Variants in SMAD2 observed in about 807,000 individuals in gnomAD.
The protein encoded by SMAD2 is MAD homolog 2.
In SMAD2, 8 loss-of-function variants were observed where a neutral mutation model predicts 64.4. The observed-to-expected ratio is 0.12, with a 90% CI of 0.07 to 0.22. SMAD2 has a LOEUF of 0.22. SMAD2 is among the 10% of genes least tolerant of loss of function. The probability of loss-of-function intolerance (pLI) is 1.00; values close to 1 mark genes in which losing one functional copy is unlikely to be tolerated. For missense variants in SMAD2, 289 were observed against 561.2 expected, an observed-to-expected ratio of 0.51 and a Z score of 4.90; for synonymous variants, 203 against 195.8, an observed-to-expected ratio of 1.04 and a Z score of -0.31.
At chr18:47,923,884 T>C (rs1477577018) in intron 1 of SMAD2, among the ~76,000 whole-genome samples, 1 of 152,154 alleles carries the variant, frequency 6.6e-6, no homozygotes, top group Non-Finnish European at 1.5e-5. Context: ...ACCCTCCTGA[T>C]AACTAAAACA....
Position 47,896,792 on chromosome 18 carries a change from C to A in SMAD2, c.-36G>T, listed in dbSNP as rs753870883. 1 of 1,604,636 alleles carries A rather than the reference C, an allele frequency of 6.2e-7. No homozygotes were observed. Among genetic ancestry groups the A allele is most frequent in the Non-Finnish European group, 8.5e-7 (1 of 1,175,466 alleles). The stretch of plus-strand genomic sequence containing the variant: ...AAGGCAGCAAGCCACGCTAGGAAAA[C>A]AGCCTCTTGTATCGAACCTAGCAGA... On this transcript the variant is annotated 5_prime_UTR_variant, in exon 2 of 11. Coordinates refer to ENST00000262160, the MANE Select transcript of SMAD2 (RefSeq NM_005901.6).
Position 47,839,486 on chromosome 18 carries a change from A to G in SMAD2, c.*2341T>C, listed in dbSNP as rs965156034. On this transcript the variant is annotated 3_prime_UTR_variant, in exon 11 of 11. Coordinates refer to ENST00000262160, the MANE Select transcript of SMAD2 (RefSeq NM_005901.6). ...GTGGAAGACATAATTACTGGACAGCACAAAGTCTGGAAGCAAGCAGCAGGG... is the reference window on the plus strand; with the variant it reads ...GTGGAAGACATAATTACTGGACAGCGCAAAGTCTGGAAGCAAGCAGCAGGG... 3 of 233,296 alleles carry G rather than the reference A, an allele frequency of 1.3e-5. No homozygotes were observed. Among genetic ancestry groups the G allele is most frequent in the African/African-American group, 2.2e-5 (1 of 45,350 alleles). 14.5% of individuals were successfully genotyped at this position (233,296 alleles called of 1,614,324 possible). A position where few individuals can be genotyped will look rare whatever the true frequency, so the allele number is the denominator to read the frequency against.
chr18:47,930,266 C>G (rs1360812311), intron 1 of SMAD2, 95 bp downstream of exon 1: 3 of 152,440 alleles, frequency 2.0e-5, no homozygotes, highest in Non-Finnish European at 1.5e-5. Context: ...CCCCAGCCCC[C>G]ACCCGCAGCG....
At chr18:47,847,969 A>C (rs1456124008) in intron 8 of SMAD2, among the ~76,000 whole-genome samples, 2 of 152,140 alleles carry the variant, frequency 1.3e-5, no homozygotes, top group African/African-American at 4.8e-5. Context: ...ACATTTTGAG[A>C]TGTCCCTGAA....
intron 1 of SMAD2, among the ~76,000 whole-genome samples, chr18:47,923,262 T>C (rs1169833671): frequency 6.6e-6 from 1 of 151,874 alleles, no homozygotes; most frequent in Non-Finnish European, 1.5e-5. Flanking sequence ...GTACTCTAAT[T>C]GCTCTTCAAA....
At chr18:47,918,259 G>C (rs2034414433) in intron 1 of SMAD2, among the ~76,000 whole-genome samples, 1 of 152,206 alleles carries the variant, frequency 6.6e-6, no homozygotes, top group Admixed American at 6.5e-5. Flanking sequence ...GAAGAAAAGA[G>C]GGTGTGAATG....
chr18:47,922,463 A>T (rs1026814085), intron 1 of SMAD2: 1 of 152,226 alleles, frequency 6.6e-6, no homozygotes, highest in African/African-American at 2.4e-5. Context: ...TAGAATAACA[A>T]CTATTTACAT....
At chr18:47,885,949 C>A (rs943709693) in intron 2 of SMAD2, among the ~76,000 whole-genome samples, 34 of 152,182 alleles carry the variant, frequency 2.2e-4, no homozygotes, top group African/African-American at 7.5e-4. Flanking sequence ...ACGACAGAGC[C>A]AGACGCTGTC....
At chr18:47,883,554 TG>T (rs1162296948) in intron 2 of SMAD2, among the ~76,000 whole-genome samples, 1 of 152,242 alleles carries the variant, frequency 6.6e-6, no homozygotes, top group African/African-American at 2.4e-5. Context: ...CTGATTTTTT[TG>T]TTCTAATTGA....
chr18:47,899,194 C>T (rs1433064870), intron 1 of SMAD2, among the ~76,000 whole-genome samples: 1 of 152,000 alleles, frequency 6.6e-6, no homozygotes, highest in Non-Finnish European at 1.5e-5. Flanking sequence ...AATGAAAATA[C>T]AATTCGCCAA....
chr18:47,848,149 T>G (rs1301193787), intron 8 of SMAD2, among the ~76,000 whole-genome samples: 1 of 151,908 alleles, frequency 6.6e-6, no homozygotes, highest in Non-Finnish European at 1.5e-5. Context: ...AAAACATGAT[T>G]TATAAAAAAG....
rs562013615 is a variant in SMAD2, at chr18:47,812,284, T to G, written c.*29543A>C. The G allele has an allele frequency of 6.6e-6, 1 of 152,196 alleles. No homozygotes were observed. Among genetic ancestry groups the G allele is most frequent in the African/African-American group, 2.4e-5 (1 of 41,458 alleles). The allele number at this position is 152,196 out of a possible 1,614,324, so 9.4% of individuals were successfully genotyped here. A position where few individuals can be genotyped will look rare whatever the true frequency, so the allele number is the denominator to read the frequency against. On this transcript the variant is annotated 3_prime_UTR_variant, in exon 11 of 11. Transcript: ENST00000262160. ...ACACAAGCTCTCTCGCCTGATGCCATGTAAGATGTGTCTTGCTCCCCCTTC... is the reference window on the plus strand; with the variant it reads ...ACACAAGCTCTCTCGCCTGATGCCAGGTAAGATGTGTCTTGCTCCCCCTTC...
At chr18:47,898,291 T>C (rs2033529611) in intron 1 of SMAD2, among the ~76,000 whole-genome samples, 2 of 152,186 alleles carry the variant, frequency 1.3e-5, no homozygotes, top group South Asian at 2.1e-4. Flanking sequence ...AACTAGTAAC[T>C]GGATTATACG....
At chr18:47,885,194 C>T (rs1226092281) in intron 2 of SMAD2, among the ~76,000 whole-genome samples, 1 of 151,204 alleles carries the variant, frequency 6.6e-6, no homozygotes, top group African/African-American at 2.4e-5. Context: ...TATACCCTCC[C>T]CCCCCAAGAC....
Position 47,896,503 on chromosome 18 carries a change from G to A in SMAD2, c.236+18C>T. 1 of 1,613,000 alleles carries A rather than the reference G, an allele frequency of 6.2e-7. No homozygotes were observed. On this transcript the variant is annotated intron_variant, in intron 2 of 10. Transcript: ENST00000262160. ...CCTTGACATAATTTGATCAAACCTG[G>A]GATCTAACAAAACTTACCTTGGTAT... is the stretch of plus-strand genomic sequence containing the variant.
At chr18:47,898,568 A>G (rs79755283) in intron 1 of SMAD2, among the ~76,000 whole-genome samples, 2,319 of 152,324 alleles carry the variant, frequency 0.015, 61 homozygotes, top group African/African-American at 0.053. Flanking sequence ...CATAGATTAT[A>G]TGCTAAGATT....
chr18:47,846,971 T>C (rs577641417), intron 8 of SMAD2, among the ~76,000 whole-genome samples: 1 of 152,176 alleles, frequency 6.6e-6, no homozygotes, highest in Non-Finnish European at 1.5e-5. Context: ...AAAACAGTCA[T>C]GCACGTGGTC....
chr18:47,892,518 T>C (rs1055540814), intron 2 of SMAD2, among the ~76,000 whole-genome samples: 2 of 152,240 alleles, frequency 1.3e-5, no homozygotes, highest in African/African-American at 2.4e-5. Flanking sequence ...GTGGTTTTGT[T>C]TTTAATAAAC....
chr18:47,923,197 C>T (rs1203233495), intron 1 of SMAD2, among the ~76,000 whole-genome samples: 1 of 146,202 alleles, frequency 6.8e-6, no homozygotes, highest in African/African-American at 2.5e-5. Flanking sequence ...AAAAAAAGCA[C>T]CTATGACAAC....
Sources: gnomAD v4.1 joint callset for allele counts (sites outside exome capture counted in the v4.1 genomes callset) on GRCh38, gnomAD v4.1.1 for gene constraint, MANE v1.5 for transcripts, NCBI Gene and HGNC (gene_info 2026-07-23, HGNC 2026-07-21) for gene names.